Variants in DOCK9 observed in about 807,000 individuals in gnomAD.
The protein encoded by DOCK9 is dedicator of cytokinesis protein 9.
In DOCK9, 89 loss-of-function variants were observed where a neutral mutation model predicts 263.3. The ratio of observed to expected loss-of-function variants is 0.34; its 90% CI spans 0.28 to 0.40. DOCK9 has a LOEUF of 0.40. Among genes scored for constraint, DOCK9 ranks in the 10% least tolerant of loss-of-function variants. The pLI is 1.00. For synonymous variants in DOCK9, 976 were observed against 973.1 expected, an observed-to-expected ratio of 1.00 and a Z score of -0.06; for missense variants, 2,140 against 2,603.4, an observed-to-expected ratio of 0.82 and a Z score of 3.87.
At chr13:98,999,316 A>ACACACACACACACTCTCTCTCTCT in intron 1 of DOCK9, among the ~76,000 whole-genome samples, 76 of 138,356 alleles carry the variant, frequency 5.5e-4, no homozygotes, top group African/African-American at 2.0e-3. Context: ...ACACACACAC[A>ACACACACACACACTCTCTCTCTCT]CTCTCTCTCT....
intron 15 of DOCK9, among the ~76,000 whole-genome samples, chr13:98,889,774 C>T (rs1433791697): frequency 6.6e-5 from 10 of 152,324 alleles, no homozygotes; most frequent in Non-Finnish European, 7.3e-5. Flanking sequence ...GCCCCAATGT[C>T]ATTCTCTCCC....
intron 7 of DOCK9, among the ~76,000 whole-genome samples, chr13:98,919,428 G>A (rs939723165): frequency 1.3e-5 from 2 of 152,142 alleles, no homozygotes; most frequent in African/African-American, 4.8e-5. Context: ...TGTATTCCTT[G>A]GAAGAAAATG....
At chr13:98,985,222 C>T (rs1193274748) in intron 1 of DOCK9, among the ~76,000 whole-genome samples, 1 of 152,072 alleles carries the variant, frequency 6.6e-6, no homozygotes, top group Non-Finnish European at 1.5e-5. Flanking sequence ...AGGACACATC[C>T]CACTGTTTAG....
chr13:99,058,166 CTT>C (rs1227722245), intron 1 of DOCK9, among the ~76,000 whole-genome samples: 23 of 139,432 alleles, frequency 1.6e-4, no homozygotes, highest in Admixed American at 2.2e-4. Context: ...TACTTGATAT[CTT>C]TTTTTTTTTT....
At chr13:98,982,829 C>T, upstream of DOCK9, among the ~76,000 whole-genome samples, 1 of 152,164 alleles carries the variant, frequency 6.6e-6, no homozygotes, top group East Asian at 1.9e-4. Context: ...AAAAATGTTC[C>T]TTTCTCCCGG....
At chr13:98,939,918 C>G (rs2055537119) in intron 2 of DOCK9, among the ~76,000 whole-genome samples, 1 of 152,242 alleles carries the variant, frequency 6.6e-6, no homozygotes, top group Admixed American at 6.5e-5. Context: ...CCTTTGATAT[C>G]TGCTGGAAAC....
chr13:98,876,542 G>T (rs1205217617), intron 27 of DOCK9, among the ~76,000 whole-genome samples: 1 of 152,160 alleles, frequency 6.6e-6, no homozygotes, highest in Admixed American at 6.5e-5. Flanking sequence ...ACCCTAAGGG[G>T]ATGAGATCAA....
chr13:98,968,962 T>C (rs1357523702), intron 1 of DOCK9, among the ~76,000 whole-genome samples: 1 of 152,170 alleles, frequency 6.6e-6, no homozygotes, highest in Non-Finnish European at 1.5e-5. Flanking sequence ...ATATAATCAA[T>C]TTACTGAGAA....
At chr13:98,856,235 T>A in intron 33 of DOCK9, 1 of 478,012 alleles carries the variant, frequency 2.1e-6, no homozygotes, top group Non-Finnish European at 3.7e-6. Context: ...AACATTCAGA[T>A]GTAAACATCA....
At chr13:98,886,657 G>C in intron 18 of DOCK9, 33 bp from the exon 19 acceptor site, 1 of 1,579,556 alleles carries the variant, frequency 6.3e-7, no homozygotes. Context: ...GAAACATCAC[G>C]GTTCGATTAA....
intron 1 of DOCK9, among the ~76,000 whole-genome samples, chr13:99,003,925 A>T (rs1031943213): frequency 2.0e-5 from 3 of 152,048 alleles, no homozygotes; most frequent in African/African-American, 7.2e-5. Flanking sequence ...TTCCAACAAG[A>T]CCCACCATGA....
chr13:98,957,929 TGCACAGGCACAG>T (rs59037163), intron 1 of DOCK9, among the ~76,000 whole-genome samples: 25 of 151,888 alleles, frequency 1.6e-4, no homozygotes, highest in African/African-American at 5.1e-4. Flanking sequence ...CCCAGCTGCC[TGCACAGGCACAG>T]GCACAGGCAC....
intron 47 of DOCK9, 97 bp from the exon 48 acceptor site, chr13:98,807,904 T>C: frequency 2.8e-6 from 3 of 1,066,280 alleles, no homozygotes; most frequent in Non-Finnish European, 3.9e-6. Flanking sequence ...AAAAAAGGAA[T>C]GGGTCTAAAA....
upstream of DOCK9, among the ~76,000 whole-genome samples, chr13:98,982,812 TA>T (rs917635397): frequency 1.6e-4 from 25 of 152,226 alleles, no homozygotes; most frequent in African/African-American, 5.5e-4. Context: ...TCACTACTAC[TA>T]AAAATAAAAA....
chr13:99,035,257 CA>C (rs1887756187), intron 1 of DOCK9, among the ~76,000 whole-genome samples: 1 of 152,206 alleles, frequency 6.6e-6, no homozygotes, highest in African/African-American at 2.4e-5. Flanking sequence ...GAACTCCAAT[CA>C]AATGTAATGC....
upstream of DOCK9, among the ~76,000 whole-genome samples, chr13:99,087,329 T>C (rs1001667106): frequency 3.3e-5 from 5 of 152,240 alleles, no homozygotes; most frequent in African/African-American, 1.2e-4. Context: ...CTGCGTCACC[T>C]TGGACGTGGG....
At chr13:99,055,637 G>A (rs186636790) in intron 1 of DOCK9, among the ~76,000 whole-genome samples, 53 of 152,164 alleles carry the variant, frequency 3.5e-4, no homozygotes, top group South Asian at 1.0e-3. Context: ...GTTCTTTGTG[G>A]CCTAAGCTGT....
chr13:98,814,868 G>A (rs2091672623), intron 45 of DOCK9, among the ~76,000 whole-genome samples: 1 of 151,868 alleles, frequency 6.6e-6, no homozygotes, highest in Non-Finnish European at 1.5e-5. Flanking sequence ...TTCAGCCCAG[G>A]AGGAGGTTGC....
At chr13:99,071,146 G>GT (rs905183508) in intron 1 of DOCK9, among the ~76,000 whole-genome samples, 7 of 151,520 alleles carry the variant, frequency 4.6e-5, no homozygotes, top group East Asian at 1.9e-4. Flanking sequence ...TATTATACTG[G>GT]TTTTTTTGTT....
Sources: gnomAD v4.1 joint callset for allele counts (sites outside exome capture counted in the v4.1 genomes callset) on GRCh38, gnomAD v4.1.1 for gene constraint, MANE v1.5 for transcripts, NCBI Gene and HGNC (gene_info 2026-07-23, HGNC 2026-07-21) for gene names.